The following COLEC10 variants were observed in gnomAD, a reference collection of about 807,000 sequenced individuals.
COLEC10 encodes the protein collectin subfamily member 10.
Under a neutral mutation model 28.4 loss-of-function variants are expected in COLEC10, and 22 were observed. The ratio of observed to expected loss-of-function variants is 0.78; its 90% confidence interval spans 0.55 to 1.11. The LOEUF is 1.11. Among genes scored for constraint, COLEC10 ranks in the 50% least tolerant of loss-of-function variants. The probability of loss-of-function intolerance (pLI) is 0.00; values close to 1 mark genes in which losing one functional copy is unlikely to be tolerated. For synonymous variants in COLEC10, 125 were observed against 116.1 expected, an observed-to-expected ratio of 1.08 and a Z score of -0.49; for missense variants, 361 against 344.1, an observed-to-expected ratio of 1.05 and a Z score of -0.39.
chr8:118,958,481 C>T, the COLEC10 span, among the ~76,000 whole-genome samples: 1 of 152,220 alleles, frequency 6.6e-6, no homozygotes, highest in South Asian at 2.1e-4. Context: ...TGATGACTTA[C>T]TTGTTCTAAC....
At chr8:119,087,783 G>C (rs1815510529) in intron 1 of COLEC10, among the ~76,000 whole-genome samples, 1 of 152,072 alleles carries the variant, frequency 6.6e-6, no homozygotes, top group South Asian at 2.1e-4. Flanking sequence ...ATACCATGAT[G>C]AATCTAGAGG....
intron 1 of COLEC10, among the ~76,000 whole-genome samples, chr8:119,076,509 C>T (rs1235328942): frequency 6.6e-6 from 1 of 152,126 alleles, no homozygotes; most frequent in African/African-American, 2.4e-5. Flanking sequence ...GTGATCCACC[C>T]GCCTAGGCCT....
At chr8:118,984,833 A>C in the COLEC10 span, among the ~76,000 whole-genome samples, 1 of 152,172 alleles carries the variant, frequency 6.6e-6, no homozygotes, top group African/African-American at 2.4e-5. Context: ...GTGGCTGAAG[A>C]AGCCTCATAA....
At chr8:118,974,607 C>G in the COLEC10 span, among the ~76,000 whole-genome samples, 1 of 151,992 alleles carries the variant, frequency 6.6e-6, no homozygotes, top group African/African-American at 2.4e-5. Context: ...TTGATGACTA[C>G]AGTTGTTCAT....
At chr8:119,031,362 A>G (rs1407907751) in intron 2 of COLEC10, among the ~76,000 whole-genome samples, 2 of 152,252 alleles carry the variant, frequency 1.3e-5, no homozygotes, top group Non-Finnish European at 1.5e-5. Context: ...AGAGACAAGT[A>G]AAATATTCAC....
the COLEC10 span, among the ~76,000 whole-genome samples, chr8:118,957,594 CTA>C: frequency 6.6e-6 from 1 of 152,174 alleles, no homozygotes; most frequent in Non-Finnish European, 1.5e-5. Context: ...TCAGTTGAAT[CTA>C]TGGACAGTAG....
chr8:119,021,019 T>G (rs1814080916), intron 2 of COLEC10, among the ~76,000 whole-genome samples: 2 of 152,106 alleles, frequency 1.3e-5, no homozygotes, highest in African/African-American at 2.4e-5. Flanking sequence ...ATATATGGAA[T>G]ATAGAAATTG....
At chr8:118,983,198 C>A in the COLEC10 span, among the ~76,000 whole-genome samples, 1 of 152,146 alleles carries the variant, frequency 6.6e-6, no homozygotes, top group African/African-American at 2.4e-5. Flanking sequence ...CCTTTGTTGA[C>A]ACCTCAACTG....
At chr8:119,024,841 A>G (rs1363699412) in intron 2 of COLEC10, among the ~76,000 whole-genome samples, 1 of 152,174 alleles carries the variant, frequency 6.6e-6, no homozygotes, top group African/African-American at 2.4e-5. Flanking sequence ...TTGCAGAATA[A>G]AAGTTACATC....
At chr8:119,017,285 AG>A (rs1422723976) in intron 2 of COLEC10, among the ~76,000 whole-genome samples, 3 of 152,162 alleles carry the variant, frequency 2.0e-5, no homozygotes, top group African/African-American at 7.2e-5. Context: ...CTGAGTTTGG[AG>A]AGTGAGTTTA....
At chr8:119,045,235 A>G (rs1050811315) in intron 2 of COLEC10, among the ~76,000 whole-genome samples, 27 of 152,248 alleles carry the variant, frequency 1.8e-4, no homozygotes, top group Admixed American at 4.6e-4. Context: ...AAGAGGGTCC[A>G]TCTCTTCATT....
At chr8:119,018,104 C>A (rs1315186615) in intron 2 of COLEC10, among the ~76,000 whole-genome samples, 1 of 152,176 alleles carries the variant, frequency 6.6e-6, no homozygotes, top group Non-Finnish European at 1.5e-5. Flanking sequence ...GAATTAAACT[C>A]TGCCTGTATT....
chr8:118,998,615 G>T (rs2130056204), intron 1 of COLEC10, among the ~76,000 whole-genome samples: 1 of 151,310 alleles, frequency 6.6e-6, no homozygotes, highest in East Asian at 1.9e-4. Flanking sequence ...GAGGCAGGTG[G>T]ATCACGAGGT....
chr8:118,967,402 G>GTA, the COLEC10 span, among the ~76,000 whole-genome samples: 2 of 152,078 alleles, frequency 1.3e-5, no homozygotes, highest in Admixed American at 1.3e-4. Flanking sequence ...AATTGACACA[G>GTA]TATAATGCTT....
chr8:119,098,526 T>C (rs1815764321), intron 3 of COLEC10, among the ~76,000 whole-genome samples: 3 of 152,140 alleles, frequency 2.0e-5, no homozygotes, highest in South Asian at 4.1e-4. Flanking sequence ...GGAGAACAAA[T>C]GAATGAAAGG....
the COLEC10 span, among the ~76,000 whole-genome samples, chr8:118,977,657 G>T: frequency 6.8e-6 from 1 of 147,916 alleles, no homozygotes; most frequent in Non-Finnish European, 1.5e-5. Flanking sequence ...GCTAGATGAC[G>T]AGTTAGTGGG....
chr8:119,102,689 C>T (rs928802049), intron 4 of COLEC10: 4 of 311,598 alleles, frequency 1.3e-5, no homozygotes, highest in African/African-American at 8.8e-5. Context: ...AGAGAAAACT[C>T]TGGCAGTAAG....
the COLEC10 span, among the ~76,000 whole-genome samples, chr8:118,974,000 G>A: frequency 6.6e-6 from 1 of 151,636 alleles, no homozygotes; most frequent in Non-Finnish European, 1.5e-5. Flanking sequence ...CAGGACTTTT[G>A]CACTGTAATT....
upstream of COLEC10, among the ~76,000 whole-genome samples, chr8:119,062,363 G>A (rs552700716): frequency 1.4e-4 from 22 of 152,172 alleles, no homozygotes; most frequent in Admixed American, 5.9e-4. Context: ...ATTCTTATAG[G>A]AACAAGACTC....
Sources: gnomAD v4.1 joint callset for allele counts (sites outside exome capture counted in the v4.1 genomes callset) on GRCh38, gnomAD v4.1.1 for gene constraint, MANE v1.5 for transcripts, NCBI Gene and HGNC (gene_info 2026-07-23, HGNC 2026-07-21) for gene names.